The following GALNT13 variants were observed in gnomAD, a reference collection of about 807,000 sequenced individuals.
GALNT13 encodes polypeptide N-acetylgalactosaminyltransferase 13, also known as UDP-GalNAc:polypeptide N-acetylgalactosaminyltransferase 13.
A neutral mutation model predicts 64.2 loss-of-function variants in GALNT13; 28 were observed. That is an observed-to-expected ratio of 0.44 (90% CI 0.32 to 0.60). The LOEUF (loss-of-function observed/expected upper bound fraction) is 0.60, where lower values mean the gene tolerates loss of function less well. Among genes scored for constraint, GALNT13 ranks in the 20% least tolerant of loss-of-function variants. The probability of loss-of-function intolerance (pLI) is 0.05; values close to 1 mark genes in which losing one functional copy is unlikely to be tolerated. For synonymous variants in GALNT13, 214 were observed against 224.6 expected, an observed-to-expected ratio of 0.95 and a Z score of 0.42; for missense variants, 577 against 669.8, an observed-to-expected ratio of 0.86 and a Z score of 1.53.
At chr2:153,705,158 T>A in the GALNT13 span, among the ~76,000 whole-genome samples, 3 of 152,144 alleles carry the variant, frequency 2.0e-5, no homozygotes, top group Non-Finnish European at 4.4e-5. Context: ...ATGCAGATAG[T>A]TGACAAATAG....
chr2:153,554,904 T>C, the GALNT13 span, among the ~76,000 whole-genome samples: 6 of 152,184 alleles, frequency 3.9e-5, no homozygotes, highest in Non-Finnish European at 8.8e-5. Context: ...AAAATTTTTT[T>C]AGTGAAATAT....
chr2:153,721,962 A>G, the GALNT13 span, among the ~76,000 whole-genome samples: 1 of 149,320 alleles, frequency 6.7e-6, no homozygotes, highest in Non-Finnish European at 1.5e-5. Context: ...CGGACCTAAT[A>G]GACATCTACA....
intron 3 of GALNT13, among the ~76,000 whole-genome samples, chr2:154,095,834 A>C (rs1702046735): frequency 6.6e-6 from 1 of 151,956 alleles, no homozygotes; most frequent in Non-Finnish European, 1.5e-5. Context: ...TAAAGATGTC[A>C]GTATTGATAA....
chr2:154,444,265 T>C (rs1309439415), intron 12 of GALNT13, among the ~76,000 whole-genome samples: 2 of 152,112 alleles, frequency 1.3e-5, no homozygotes, highest in Non-Finnish European at 2.9e-5. Flanking sequence ...ATATCAACCC[T>C]TAATTACTAT....
intron 3 of GALNT13, among the ~76,000 whole-genome samples, chr2:154,045,702 AG>A (rs760146278): frequency 2.0e-5 from 3 of 152,202 alleles, no homozygotes; most frequent in Admixed American, 6.5e-5. Flanking sequence ...ATACTGCCTT[AG>A]TTCAATGTAG....
At position 154,032,864 on chromosome 2, in the gene GALNT13, C is replaced by CTTT. The variant is rs70981694; in HGVS notation, c.142+88244_142+88246dup. 9.9e-3 allele frequency among the ~76,000 whole-genome samples: 1,086 copies of CTTT among 110,030 alleles called. 20 individuals carry two copies. The highest frequency in any genetic ancestry group is 0.02 in the African/African-American group (585 of 28,752). The allele number at this position is 110,030 out of a possible 152,430, so 72.2% of individuals were successfully genotyped here. The stretch of plus-strand genomic sequence containing the variant: ...AACAAGGTATATGAACCTACATTTC[C>CTTT]TTTTTTTTTTTTTTTTTTTTTACAT... On this transcript the variant is annotated intron_variant, in intron 3 of 12. Coordinates refer to ENST00000392825, the MANE Select transcript of GALNT13 (RefSeq NM_052917.4).
chr2:153,717,342 G>A, the GALNT13 span, among the ~76,000 whole-genome samples: 44 of 152,298 alleles, frequency 2.9e-4, no homozygotes, highest in African/African-American at 1.0e-3. Context: ...GACAATAAGT[G>A]AAGCAGACTT....
At chr2:153,121,407 A>G in the GALNT13 span, among the ~76,000 whole-genome samples, 1 of 152,248 alleles carries the variant, frequency 6.6e-6, no homozygotes, top group African/African-American at 2.4e-5. Flanking sequence ...TCAAATTTAC[A>G]GTAATACTTG....
the GALNT13 span, among the ~76,000 whole-genome samples, chr2:153,503,953 A>G: frequency 2.6e-5 from 4 of 151,736 alleles, no homozygotes; most frequent in African/African-American, 9.7e-5. Context: ...AATTGAGTTG[A>G]ATTTGTAGAT....
At chr2:153,191,642 T>C in the GALNT13 span, among the ~76,000 whole-genome samples, 1 of 151,974 alleles carries the variant, frequency 6.6e-6, no homozygotes, top group African/African-American at 2.4e-5. Context: ...GGAGCATTGG[T>C]ACTTGTTCTT....
chr2:153,529,748 A>G, the GALNT13 span, among the ~76,000 whole-genome samples: 1 of 152,114 alleles, frequency 6.6e-6, no homozygotes, highest in South Asian at 2.1e-4. Context: ...GAATAGTTCA[A>G]CATATGCAAA....
intron 9 of GALNT13, among the ~76,000 whole-genome samples, chr2:154,360,738 T>C (rs568108797): frequency 6.6e-6 from 1 of 152,200 alleles, no homozygotes; most frequent in East Asian, 1.9e-4. Context: ...TACTGTGTAC[T>C]AGAAATTTAA....
the GALNT13 span, among the ~76,000 whole-genome samples, chr2:153,588,994 C>T: frequency 6.6e-6 from 1 of 152,110 alleles, no homozygotes; most frequent in Non-Finnish European, 1.5e-5. Context: ...TGGAGAAACC[C>T]CATCTCTACT....
the GALNT13 span, among the ~76,000 whole-genome samples, chr2:153,800,472 T>A: frequency 6.6e-6 from 1 of 152,152 alleles, no homozygotes; most frequent in Non-Finnish European, 1.5e-5. Flanking sequence ...GTTTGCCATA[T>A]GGATTGATGC....
chr2:153,270,998 C>A, the GALNT13 span, among the ~76,000 whole-genome samples: 1 of 152,084 alleles, frequency 6.6e-6, no homozygotes, highest in Non-Finnish European at 1.5e-5. Context: ...ATCACATAAA[C>A]AGAACCAATG....
chr2:154,188,873 G>C (rs1686408831), intron 4 of GALNT13, among the ~76,000 whole-genome samples: 1 of 152,010 alleles, frequency 6.6e-6, no homozygotes, highest in East Asian at 1.9e-4. Flanking sequence ...TAGTTTGACA[G>C]CTTACTAATA....
intron 6 of GALNT13, among the ~76,000 whole-genome samples, chr2:154,243,238 G>A (rs1689592965): frequency 6.6e-6 from 1 of 152,166 alleles, no homozygotes; most frequent in African/African-American, 2.4e-5. Context: ...CAACCACCCT[G>A]TGAGGTAGGT....
the GALNT13 span, among the ~76,000 whole-genome samples, chr2:153,128,888 C>A: frequency 6.6e-6 from 1 of 151,848 alleles, no homozygotes; most frequent in Non-Finnish European, 1.5e-5. Flanking sequence ...CATCAGATCT[C>A]ATGAGATTTA....
chr2:154,275,927 A>C (rs1574000787), intron 8 of GALNT13, among the ~76,000 whole-genome samples: 3 of 152,278 alleles, frequency 2.0e-5, no homozygotes, highest in African/African-American at 7.2e-5. Flanking sequence ...GATGTGAGAC[A>C]TGGAGTCGAA....
Sources: gnomAD v4.1 joint callset for allele counts (sites outside exome capture counted in the v4.1 genomes callset) on GRCh38, gnomAD v4.1.1 for gene constraint, MANE v1.5 for transcripts, NCBI Gene and HGNC (gene_info 2026-07-23, HGNC 2026-07-21) for gene names.